The following ATXN2 variants were observed in gnomAD, a reference collection of about 807,000 sequenced individuals.
ATXN2 encodes the protein ataxin-2.
Under a neutral mutation model 138.6 loss-of-function variants are expected in ATXN2, and 37 were observed. That is an observed-to-expected ratio of 0.27 (90% CI 0.21 to 0.35). The LOEUF (loss-of-function observed/expected upper bound fraction) is 0.35. Among genes scored for constraint, ATXN2 ranks in the 10% least tolerant of loss-of-function variants. ATXN2 has a pLI of 1.00. For missense variants in ATXN2, 1,216 were observed against 1,480.3 expected (o/e 0.82, Z 2.93); for synonymous variants, 549 against 543.7 (o/e 1.01, Z -0.13).
rs919273884 is a variant in ATXN2 at position 111,457,147 on chromosome 12, C to T, written c.3042+67G>A. On this transcript the variant is annotated intron_variant, in intron 22 of 24. Coordinates refer to ENST00000673436, the MANE Select transcript of ATXN2 (RefSeq NM_001372574.1). ...TGTTCTGACGATGCGATACCTGGCA[C>T]CTGAAGAAAGCACTCAGATACTAGG... is the stretch of plus-strand genomic sequence containing the variant. 5.8e-6 allele frequency: 9 copies of T among 1,542,148 alleles called. No homozygotes were observed. The African/African-American group carries it at 1.2e-4, about 21-fold the overall frequency.
chr12:111,572,852 A>C (rs918783593), intron 1 of ATXN2, among the ~76,000 whole-genome samples: 11 of 152,132 alleles, frequency 7.2e-5, no homozygotes, highest in African/African-American at 2.4e-4. Flanking sequence ...CCATACTCTA[A>C]TTTTCCTACA....
In ATXN2 at chr12:111,552,564, C is replaced by A; in HGVS notation, c.421-134G>T. Reference sequence around the variant, plus strand: ...ATCTCAAGAGAATCATACCCTTTTTCCCAGGCATATGATCTATTATCCATT... The same window carrying A: ...ATCTCAAGAGAATCATACCCTTTTTACCAGGCATATGATCTATTATCCATT... On this transcript the variant is annotated intron_variant, in intron 4 of 24. Transcript: ENST00000673436. The surrounding 1 kb of genome is among the most constrained non-coding windows in gnomAD (Gnocchi z 4.1). The A allele has an allele frequency of 1.1e-6, 1 of 883,734 alleles. No homozygotes were observed. Among genetic ancestry groups the A allele is most frequent in the Non-Finnish European group, 1.6e-6 (1 of 608,408 alleles). The allele number at this position is 883,734 out of a possible 1,614,324, so 54.7% of individuals were successfully genotyped here.
At chr12:111,462,977 TACACAC>T (rs59710594) in intron 21 of ATXN2, among the ~76,000 whole-genome samples, 40 of 147,738 alleles carry the variant, frequency 2.7e-4, no homozygotes, top group Non-Finnish European at 4.8e-4. Context: ...TATATATATA[TACACAC>T]ACACACACAC....
chr12:111,554,424 C>T (rs1882281882), intron 2 of ATXN2, among the ~76,000 whole-genome samples: 1 of 152,112 alleles, frequency 6.6e-6, no homozygotes, highest in South Asian at 2.1e-4. Context: ...CCTGTATTTA[C>T]ATTTGCATAT....
rs2135785631 is a variant in ATXN2, at chr12:111,552,161, A to G, written c.571+119T>C. The G allele has an allele frequency of 9.1e-7, 1 of 1,100,038 alleles. No individual in the cohort carries two copies. The highest frequency in any genetic ancestry group is 2.9e-5 in the East Asian group (1 of 34,562). 68.1% of individuals were successfully genotyped at this position (1,100,038 alleles called of 1,614,324 possible). A position where few individuals can be genotyped will look rare whatever the true frequency, so the allele number is the denominator to read the frequency against. ...CTCCCTAAGTGCTAAGATTACAGGA[A>G]TGAGCCGCCATACCCAGCCCAGATA... On this transcript the variant is annotated intron_variant, in intron 5 of 24. Transcript: ENST00000673436. The surrounding 1 kb of genome is among the most constrained non-coding windows in gnomAD (Gnocchi z 4.1).
intron 21 of ATXN2, among the ~76,000 whole-genome samples, chr12:111,463,148 T>C (rs1875721087): frequency 1.3e-5 from 2 of 152,170 alleles, no homozygotes; most frequent in Admixed American, 1.3e-4. Flanking sequence ...ACTCAAAATG[T>C]GCCTAACATA....
At chr12:111,463,915 T>C (rs1277580181) in intron 21 of ATXN2, among the ~76,000 whole-genome samples, 19 of 152,180 alleles carry the variant, frequency 1.2e-4, no homozygotes, top group Non-Finnish European at 2.9e-5. Flanking sequence ...GCCTCCCTAG[T>C]AGCTGAGATT....
intron 5 of ATXN2, among the ~76,000 whole-genome samples, chr12:111,540,969 T>C (rs1881468162): frequency 6.7e-6 from 1 of 150,348 alleles, no homozygotes; most frequent in African/African-American, 2.4e-5. Flanking sequence ...AGTGCTGGGA[T>C]TACAAGCGTG....
At chr12:111,498,342 A>T (rs1329570338) in intron 14 of ATXN2, among the ~76,000 whole-genome samples, 2 of 152,150 alleles carry the variant, frequency 1.3e-5, no homozygotes, top group Non-Finnish European at 2.9e-5. Flanking sequence ...AAAAAGAAAA[A>T]CCTATTAGAA....
chr12:111,488,830 T>C (rs1320620545), intron 14 of ATXN2, 50 bp from the exon 15 acceptor site: 8 of 1,447,682 alleles, frequency 5.5e-6, no homozygotes, highest in Non-Finnish European at 7.5e-6. Context: ...ACTTTAGTAA[T>C]ACATTTTTGC....
intron 16 of ATXN2, 61 bp downstream of exon 16, chr12:111,486,700 T>C (rs2135699957): frequency 7.2e-7 from 1 of 1,396,958 alleles, no homozygotes; most frequent in East Asian, 2.3e-5. Context: ...GAAGAAGGAC[T>C]ATTACTAATA....
intron 1 of ATXN2, among the ~76,000 whole-genome samples, chr12:111,572,961 T>A (rs1260381463): frequency 1.3e-5 from 2 of 151,932 alleles, no homozygotes; most frequent in Non-Finnish European, 2.9e-5. Context: ...AAATTAATTA[T>A]GAGTAACAAC....
intron 6 of ATXN2, among the ~76,000 whole-genome samples, chr12:111,521,382 G>A (rs1156708611): frequency 6.6e-6 from 1 of 152,094 alleles, no homozygotes; most frequent in African/African-American, 2.4e-5. Context: ...TTTAAACAAG[G>A]GATTCCACAT....
At chr12:111,477,399 G>A (rs540865841) in intron 18 of ATXN2, among the ~76,000 whole-genome samples, 3 of 152,102 alleles carry the variant, frequency 2.0e-5, no homozygotes, top group South Asian at 4.2e-4. Flanking sequence ...ACAGAGGCTG[G>A]TGCCAGAGAA....
intron 18 of ATXN2, among the ~76,000 whole-genome samples, chr12:111,474,012 G>A (rs1876610652): frequency 3.9e-5 from 6 of 152,166 alleles, no homozygotes; most frequent in Admixed American, 3.9e-4. Context: ...TGGGAGTCAA[G>A]GCAGGCAGAC....
intron 16 of ATXN2, among the ~76,000 whole-genome samples, 198 bp downstream of exon 16, chr12:111,486,563 T>C (rs149154361): frequency 4.6e-4 from 70 of 152,250 alleles, no homozygotes; most frequent in Middle Eastern, 3.4e-3. Context: ...TTGCCCAAGA[T>C]CACATCTAAT....
chr12:111,585,379 G>A (rs935692906), intron 1 of ATXN2, among the ~76,000 whole-genome samples: 2 of 151,640 alleles, frequency 1.3e-5, no homozygotes, highest in Admixed American at 1.3e-4. Flanking sequence ...CGGGTGTGGT[G>A]GCGGGCACCC....
chr12:111,477,394 G>A (rs189784432), intron 18 of ATXN2, among the ~76,000 whole-genome samples: 127 of 151,990 alleles, frequency 8.4e-4, no homozygotes, highest in Non-Finnish European at 7.8e-4. Context: ...GGAAAACAGA[G>A]GCTGGTGCCA....
chr12:111,573,349 A>C (rs1333387667), intron 1 of ATXN2, among the ~76,000 whole-genome samples: 1 of 152,098 alleles, frequency 6.6e-6, no homozygotes, highest in Non-Finnish European at 1.5e-5. Context: ...GCTTGTCACC[A>C]CGCCTGGCTA....
Sources: gnomAD v4.1 joint callset for allele counts (sites outside exome capture counted in the v4.1 genomes callset) on GRCh38, gnomAD v4.1.1 for gene constraint, Gnocchi (gnomAD v3.1) non-coding constraint, MANE v1.5 for transcripts, NCBI Gene and HGNC (gene_info 2026-07-23, HGNC 2026-07-21) for gene names.